Variants in ME2 observed in about 807,000 individuals in gnomAD.
ME2 encodes the protein malic enzyme 2.
A neutral mutation model predicts 73.7 loss-of-function variants in ME2; 60 were observed. The ratio of observed to expected loss-of-function variants is 0.81; its 90% CI spans 0.66 to 1.01. The LOEUF (loss-of-function observed/expected upper bound fraction) is 1.01. ME2 is among the 50% of genes least tolerant of loss of function. The pLI is 0.00. For synonymous variants in ME2, 199 were observed against 236.9 expected (o/e 0.84, Z 1.47); for missense variants, 594 against 705.5 (o/e 0.84, Z 1.79).
chr18:50,938,974 C>G (rs1466229978), intron 13 of ME2: 3 of 151,836 alleles, frequency 2.0e-5, no homozygotes, highest in Non-Finnish European at 2.9e-5. Flanking sequence ...ATGATATAAA[C>G]ATTGAATATT....
chr18:50,921,370 A>G (rs1917424304), intron 10 of ME2, among the ~76,000 whole-genome samples, 183 bp downstream of exon 10: 1 of 152,128 alleles, frequency 6.6e-6, no homozygotes, highest in Non-Finnish European at 1.5e-5. Context: ...CTTCTGCTTC[A>G]TATTGAATTA....
chr18:50,882,465 A>G (rs1916347224), intron 1 of ME2, among the ~76,000 whole-genome samples: 1 of 152,186 alleles, frequency 6.6e-6, no homozygotes, highest in African/African-American at 2.4e-5. Context: ...TATCAACATT[A>G]CTACACAGAA....
Position 50,920,720 on chromosome 18 carries a change from ATCTCCGAACACAAAATCTTATTCCTT to A in ME2, c.905_930del (p.Ile302ArgfsTer35). 1.2e-6 allele frequency: 2 copies of A among 1,611,976 alleles called. No individual in the cohort carries two copies. Among genetic ancestry groups the A allele is most frequent in the Non-Finnish European group, 1.7e-6 (2 of 1,179,794 alleles). ...AGCACAAAAAGTTATTAGTAAACCA[ATCTCCGAACACAAAATCTTATTCCTT>A]GGAGCAGGAGAGGTAAGTTTTGAAG... On this transcript the variant is annotated frameshift_variant, in exon 9 of 16. Transcript: ENST00000321341. LOFTEE classifies it high-confidence loss of function.
intron 3 of ME2, among the ~76,000 whole-genome samples, chr18:50,909,305 T>C (rs1917092427): frequency 1.3e-5 from 2 of 152,192 alleles, no homozygotes; most frequent in Admixed American, 1.3e-4. Context: ...CTCATAGCCC[T>C]GTCTTCTAAA....
chr18:50,896,009 A>G, intron 2 of ME2, 81 bp downstream of exon 2: 4 of 976,166 alleles, frequency 4.1e-6, no homozygotes, highest in South Asian at 1.5e-5. Context: ...GGTGTGACAT[A>G]TTTTTGTAGC....
chr18:50,908,032 A>C (rs1917056432), intron 2 of ME2, 31 bp from the exon 3 acceptor site: 3 of 1,451,312 alleles, frequency 2.1e-6, no homozygotes, highest in Non-Finnish European at 2.8e-6. Context: ...AGTAAGTAAT[A>C]ATTTTTAATC....
intron 5 of ME2, 67 bp downstream of exon 5, chr18:50,916,310 C>T (rs1917283020): frequency 3.2e-6 from 4 of 1,237,976 alleles, no homozygotes; most frequent in Admixed American, 1.9e-5. Context: ...TCTAAATCTC[C>T]AAGAACAGTT....
At chr18:50,907,022 T>C (rs1048047496) in intron 2 of ME2, among the ~76,000 whole-genome samples, 1 of 152,196 alleles carries the variant, frequency 6.6e-6, no homozygotes, top group Non-Finnish European at 1.5e-5. Flanking sequence ...GTTGTTTTTC[T>C]CAACTGTTAT....
At chr18:50,902,628 C>T (rs534324813) in intron 2 of ME2, among the ~76,000 whole-genome samples, 1 of 152,206 alleles carries the variant, frequency 6.6e-6, no homozygotes, top group East Asian at 1.9e-4. Flanking sequence ...AACTCCTGAC[C>T]TCAGGTGATC....
In ME2 at chr18:50,941,536, G is replaced by A. The variant is rs146975039; in HGVS notation, c.1587+1150G>A. Among the ~76,000 whole-genome samples the A allele has an allele frequency of 3.9e-3, 581 of 150,748 alleles. 8 individuals carry two copies. In the East Asian group the frequency reaches 0.056, roughly 14 times the overall value. On this transcript the variant is annotated intron_variant, in intron 15 of 15. Coordinates refer to ENST00000321341, the MANE Select transcript of ME2 (RefSeq NM_002396.5). ...TTACAGATGCCCACCACCATGCCCA[G>A]CTAATTTTTTGTATTTTTAGTAGAG...
At chr18:50,907,914 T>G in intron 2 of ME2, 149 bp from the exon 3 acceptor site, 1 of 542,474 alleles carries the variant, frequency 1.8e-6, no homozygotes, top group East Asian at 3.2e-5. Flanking sequence ...TGACCAATAC[T>G]GACATCAGTC....
At chr18:50,916,075 T>C (rs1012374351) in intron 4 of ME2, 93 bp from the exon 5 acceptor site, 12 of 864,198 alleles carry the variant, frequency 1.4e-5, no homozygotes, top group Non-Finnish European at 2.2e-5. Context: ...CATGTCTTGA[T>C]ATTTTATTAA....
chr18:50,934,527 A>G (rs1917771473), intron 13 of ME2: 1 of 152,140 alleles, frequency 6.6e-6, no homozygotes, highest in South Asian at 2.1e-4. Flanking sequence ...GCACACCCCT[A>G]TTCCCAGCTA....
At chr18:50,917,315 C>A in intron 5 of ME2, 32 bp from the exon 6 acceptor site, 1 of 1,569,288 alleles carries the variant, frequency 6.4e-7, no homozygotes, top group Non-Finnish European at 8.7e-7. Context: ...CCATTTTTGA[C>A]AACTTTTAAT....
intron 2 of ME2, among the ~76,000 whole-genome samples, chr18:50,898,944 T>G (rs1460195236): frequency 6.6e-6 from 1 of 152,242 alleles, no homozygotes; most frequent in African/African-American, 2.4e-5. Flanking sequence ...GGATTTCTCC[T>G]TTTCTCCCCA....
In ME2 at chr18:50,950,476, T is replaced by TCTTTTTTTTC. The variant is rs892899863; in HGVS notation, c.*3292_*3293insCTTTTTTTTC. 5.3e-5 allele frequency: 7 copies of TCTTTTTTTTC among 132,026 alleles called. No individual in the cohort carries two copies. Among genetic ancestry groups the TCTTTTTTTTC allele is most frequent in the Admixed American group, 1.6e-4 (2 of 12,682 alleles). The allele number at this position is 132,026 out of a possible 1,614,324, so 8.2% of individuals were successfully genotyped here. On this transcript the variant is annotated 3_prime_UTR_variant, in exon 16 of 16. Transcript: ENST00000321341. ...GGGGCCTCAGATTCTGCTTTTTTTTTTTTTTTTTTTTTTTTTTTTAAACAG... is the reference window on the plus strand; with the variant it reads ...GGGGCCTCAGATTCTGCTTTTTTTTTCTTTTTTTTCTTTTTTTTTTTTTTTTTTTAAACAG...
intron 2 of ME2, among the ~76,000 whole-genome samples, chr18:50,906,190 GTT>G (rs1305192770): frequency 1.3e-5 from 2 of 152,022 alleles, no homozygotes; most frequent in Non-Finnish European, 2.9e-5. Flanking sequence ...CTCAAGGACA[GTT>G]TCATGATTTT....
At chr18:50,895,175 T>C (rs1394487893) in intron 1 of ME2, among the ~76,000 whole-genome samples, 1 of 152,130 alleles carries the variant, frequency 6.6e-6, no homozygotes, top group African/African-American at 2.4e-5. Flanking sequence ...ATTTAATGTA[T>C]AGTTTTCTCT....
At chr18:50,919,406 A>C (rs1351961540) in intron 7 of ME2, among the ~76,000 whole-genome samples, 1 of 152,186 alleles carries the variant, frequency 6.6e-6, no homozygotes, top group Non-Finnish European at 1.5e-5. Flanking sequence ...CAAAGTCAAC[A>C]AGTCTAAAGC....
Sources: allele counts gnomAD v4.1 joint callset (sites outside exome capture counted in the v4.1 genomes callset), GRCh38; gene constraint gnomAD v4.1.1; transcripts MANE v1.5; gene names NCBI Gene and HGNC (gene_info 2026-07-23, HGNC 2026-07-21).